The following PRKN variants were observed in gnomAD, a reference collection of about 807,000 sequenced individuals.
The protein encoded by PRKN is parkin RBR E3 ubiquitin protein ligase.
A neutral mutation model predicts 59.5 loss-of-function variants in PRKN; 56 were observed. The ratio of observed to expected loss-of-function variants is 0.94; its 90% CI spans 0.76 to 1.18. The LOEUF is 1.18. Among genes scored for constraint, PRKN ranks in the 50% most tolerant of loss-of-function variants. PRKN has a pLI of 0.00. For missense variants in PRKN, 657 were observed against 596.4 expected (o/e 1.10, Z -1.06); for synonymous variants, 250 against 222.1 (o/e 1.13, Z -1.12).
chr6:161,828,418 C>T (rs1055131310), intron 6 of PRKN, among the ~76,000 whole-genome samples: 4 of 152,208 alleles, frequency 2.6e-5, no homozygotes, highest in Admixed American at 6.5e-5. Flanking sequence ...AGGGTCTTCA[C>T]GGCAAACAGT....
In PRKN at chr6:161,352,506, TA is replaced by T. The variant is rs1175548309; in HGVS notation, c.1286-2296del. ...AATAATATGTTATATGGTGTGACATTATAAAACCACTTGTTTCTCTAAAATA... is the reference window on the plus strand; with the variant it reads ...AATAATATGTTATATGGTGTGACATTTAAAACCACTTGTTTCTCTAAAATA... On this transcript the variant is annotated intron_variant, in intron 11 of 11. Coordinates refer to ENST00000366898, the MANE Select transcript of PRKN (RefSeq NM_004562.3). The surrounding 1 kb of genome is among the most constrained non-coding windows in gnomAD (Gnocchi z 5.8). Among the ~76,000 whole-genome samples, 1 of 151,912 alleles carries T rather than the reference TA, an allele frequency of 6.6e-6. No individual in the cohort carries two copies.
chr6:161,820,464 A>G (rs992467935), intron 6 of PRKN, among the ~76,000 whole-genome samples: 1 of 148,834 alleles, frequency 6.7e-6, no homozygotes, highest in African/African-American at 2.4e-5. Flanking sequence ...TTATAATGTT[A>G]AAGTTTATAT....
At chr6:162,441,633 G>A (rs998583347) in intron 2 of PRKN, among the ~76,000 whole-genome samples, 15 of 152,002 alleles carry the variant, frequency 9.9e-5, no homozygotes, top group South Asian at 2.1e-4. Context: ...TATTTCTCTC[G>A]GTTTTAGGGC....
At chr6:162,509,030 A>T (rs1793727856) in intron 1 of PRKN, among the ~76,000 whole-genome samples, 1 of 152,206 alleles carries the variant, frequency 6.6e-6, no homozygotes, top group Non-Finnish European at 1.5e-5. Flanking sequence ...GAATGAGGAA[A>T]CACCACTGAC....
In PRKN at chr6:161,757,871, C is replaced by CTCTCTCTCTCTCTCTCTCTGTGTG. The variant is rs1380898753; in HGVS notation, c.871+27900_871+27901insCACACAGAGAGAGAGAGAGAGAGA. On this transcript the variant is annotated intron_variant, in intron 7 of 11. Coordinates refer to ENST00000366898, the MANE Select transcript of PRKN (RefSeq NM_004562.3). ...TCTCTCTCTCTCTCTCTCTCTCTCT[C>CTCTCTCTCTCTCTCTCTCTGTGTG]TGTGTATATATATATACACACACAC... Among the ~76,000 whole-genome samples, 60 of 97,984 alleles carry CTCTCTCTCTCTCTCTCTCTGTGTG rather than the reference C, an allele frequency of 6.1e-4. 4 individuals carry two copies. The highest frequency in any genetic ancestry group is 2.3e-3 in the African/African-American group (52 of 22,360). The allele number at this position is 97,984 out of a possible 152,430, so 64.3% of individuals were successfully genotyped here. A position where few individuals can be genotyped will look rare whatever the true frequency, so the allele number is the denominator to read the frequency against.
intron 6 of PRKN, among the ~76,000 whole-genome samples, chr6:161,899,263 C>T (rs1362820522): frequency 6.6e-6 from 1 of 152,174 alleles, no homozygotes; most frequent in Non-Finnish European, 1.5e-5. Flanking sequence ...CAGACGGAAA[C>T]ATCTTTCAGT....
At chr6:162,467,777 C>A (rs1791497770) in intron 1 of PRKN, among the ~76,000 whole-genome samples, 2 of 151,954 alleles carry the variant, frequency 1.3e-5, no homozygotes, top group African/African-American at 4.8e-5. Context: ...CACGGCCTGG[C>A]TCCCACTTGT....
At chr6:162,380,582 T>C (rs1786426772) in intron 2 of PRKN, among the ~76,000 whole-genome samples, 1 of 149,958 alleles carries the variant, frequency 6.7e-6, no homozygotes, top group Non-Finnish European at 1.5e-5. Flanking sequence ...CCAATTTGCT[T>C]TGCACAAAGA....
chr6:161,912,494 C>G (rs565530210), intron 6 of PRKN, among the ~76,000 whole-genome samples: 1 of 151,898 alleles, frequency 6.6e-6, no homozygotes, highest in African/African-American at 2.4e-5. Context: ...AGAACTTGGC[C>G]TCAGGAGTGC....
chr6:161,549,100 G>C lies in PRKN; in HGVS notation c.934-97C>G. ...GTGCATGGGATTTCTTGCTTAACCA[G>C]TTTCAGTAAAATAATGCATGTGTGT... is the stretch of plus-strand genomic sequence containing the variant. On this transcript the variant is annotated intron_variant, in intron 8 of 11. Transcript: ENST00000366898. The surrounding 1 kb of genome is among the most constrained non-coding windows in gnomAD (Gnocchi z 6.0). 7.2e-7 allele frequency: 1 copy of C among 1,387,480 alleles called. No homozygotes were observed. The highest frequency in any genetic ancestry group is 1.0e-6 in the Non-Finnish European group (1 of 983,276). 85.9% of individuals were successfully genotyped at this position (1,387,480 alleles called of 1,614,324 possible). A position where few individuals can be genotyped will look rare whatever the true frequency, so the allele number is the denominator to read the frequency against.
At chr6:161,629,525 T>C (rs557422673) in intron 7 of PRKN, among the ~76,000 whole-genome samples, 75 of 152,180 alleles carry the variant, frequency 4.9e-4, no homozygotes, top group African/African-American at 1.7e-3. Flanking sequence ...AAACCTCCAC[T>C]ACTTGACCCG....
At chr6:162,541,641 A>G (rs1333647120) in intron 1 of PRKN, among the ~76,000 whole-genome samples, 1 of 152,174 alleles carries the variant, frequency 6.6e-6, no homozygotes, top group Non-Finnish European at 1.5e-5. Flanking sequence ...CCCAAAGAGC[A>G]TTCTCAGAAA....
intron 4 of PRKN, among the ~76,000 whole-genome samples, chr6:162,102,814 C>T (rs573608741): frequency 9.2e-5 from 14 of 152,152 alleles, no homozygotes; most frequent in Middle Eastern, 3.4e-3. Context: ...GAGGCCGAGG[C>T]AGGCGGATCA....
intron 4 of PRKN, among the ~76,000 whole-genome samples, chr6:162,105,079 G>A (rs1015882689): frequency 2.0e-5 from 3 of 152,132 alleles, no homozygotes; most frequent in Non-Finnish European, 2.9e-5. Context: ...CACTCATCAC[G>A]CATTAGAGTA....
At chr6:162,466,668 A>G (rs1041787250) in intron 1 of PRKN, among the ~76,000 whole-genome samples, 31 of 151,866 alleles carry the variant, frequency 2.0e-4, no homozygotes, top group African/African-American at 7.5e-4. Flanking sequence ...TCGGTCTCCC[A>G]AAGTGCTGGA....
Position 161,350,087 on chromosome 6 carries a change from C to A in PRKN, c.*12G>T, listed in dbSNP as rs1483639679. On this transcript the variant is annotated 3_prime_UTR_variant, in exon 12 of 12. Transcript: ENST00000366898. Reference sequence around the variant, plus strand: ...CCCCAGGATGTGGCGATGGGGCGCCCGGCCGCCCTGGCTACACGTCGAACC... The same window carrying A: ...CCCCAGGATGTGGCGATGGGGCGCCAGGCCGCCCTGGCTACACGTCGAACC... The A allele has an allele frequency of 1.3e-6, 2 of 1,590,308 alleles. No individual in the cohort carries two copies. Among genetic ancestry groups the A allele is most frequent in the African/African-American group, 2.7e-5 (2 of 74,448 alleles).
Position 161,498,385 on chromosome 6 carries a change from G to A in PRKN, c.1083+50469C>T, listed in dbSNP as rs1464067582. Among the ~76,000 whole-genome samples the A allele has an allele frequency of 6.6e-6, 1 of 152,058 alleles. No individual in the cohort carries two copies. Among genetic ancestry groups the A allele is most frequent in the Non-Finnish European group, 1.5e-5 (1 of 68,022 alleles). On this transcript the variant is annotated intron_variant, in intron 9 of 11. Transcript: ENST00000366898. The surrounding 1 kb of genome is among the most constrained non-coding windows in gnomAD (Gnocchi z 4.2). ...TCAGTAAATAAAAGCTCACTCTCTG[G>A]TTTGGAATTCAAGCCTCCTCCCAAC...
intron 1 of PRKN, among the ~76,000 whole-genome samples, chr6:162,520,094 A>G (rs1778025813): frequency 6.6e-6 from 1 of 152,028 alleles, no homozygotes; most frequent in African/African-American, 2.4e-5. Flanking sequence ...CTACAAAAAT[A>G]TATATATATT....
Position 161,361,829 on chromosome 6 carries a change from A to G in PRKN, c.1168-1624T>C, listed in dbSNP as rs1454940347. 6.6e-6 allele frequency among the ~76,000 whole-genome samples: 1 copy of G among 152,224 alleles called. No homozygotes were observed. The highest frequency in any genetic ancestry group is 2.4e-5 in the African/African-American group (1 of 41,456). On this transcript the variant is annotated intron_variant, in intron 10 of 11. Coordinates refer to ENST00000366898, the MANE Select transcript of PRKN (RefSeq NM_004562.3). The surrounding 1 kb of genome is among the most constrained non-coding windows in gnomAD (Gnocchi z 5.2). Reference sequence around the variant, plus strand: ...TCCTTTGCTAAGATCCACTCACGGCAGAGGCCCAGTGAGGGCGCTGTGGTT... The same window carrying G: ...TCCTTTGCTAAGATCCACTCACGGCGGAGGCCCAGTGAGGGCGCTGTGGTT...
Sources: allele counts gnomAD v4.1 joint callset (sites outside exome capture counted in the v4.1 genomes callset), GRCh38; gene constraint gnomAD v4.1.1; non-coding constraint Gnocchi (gnomAD v3.1); transcripts MANE v1.5; gene names NCBI Gene and HGNC (gene_info 2026-07-23, HGNC 2026-07-21).